The following CTNNB1 variants were observed in gnomAD, a reference collection of about 807,000 sequenced individuals.
CTNNB1 encodes catenin beta-1.
CTNNB1 carries 6 observed loss-of-function variants against 82.5 expected under a neutral mutation model. The ratio of observed to expected loss-of-function variants is 0.07; its 90% CI spans 0.04 to 0.14. CTNNB1 has a LOEUF of 0.14. Among genes scored for constraint, CTNNB1 ranks in the 10% least tolerant of loss-of-function variants. CTNNB1 has a pLI of 1.00. For synonymous variants in CTNNB1, 312 were observed against 329.7 expected (o/e 0.95, Z 0.58); for missense variants, 529 against 980.4 (o/e 0.54, Z 6.15).
intron 7 of CTNNB1, among the ~76,000 whole-genome samples, chr3:41,229,846 T>C (rs2078264471): frequency 6.6e-6 from 1 of 151,444 alleles, no homozygotes. Flanking sequence ...GGGAAAAGAA[T>C]AGATGGTTTG....
chr3:41,216,557 A>G (rs9813198), intron 1 of CTNNB1, among the ~76,000 whole-genome samples: 63,472 of 152,094 alleles, frequency 0.42, 13,581 homozygotes, highest in Non-Finnish European at 0.47. Flanking sequence ...TTTTTTATTT[A>G]TAGCAGTTTG....
intron 7 of CTNNB1, among the ~76,000 whole-genome samples, chr3:41,230,160 A>G (rs1190225674): frequency 1.3e-5 from 2 of 152,232 alleles, no homozygotes; most frequent in Non-Finnish European, 2.9e-5. Context: ...CCAGGTAACT[A>G]CTGGCAGAGG....
At chr3:41,224,461 TC>T (rs919250730) in intron 2 of CTNNB1, 64 bp from the exon 3 acceptor site, 1 of 1,430,170 alleles carries the variant, frequency 7.0e-7, no homozygotes, top group African/African-American at 1.4e-5. Context: ...TATCACAGAT[TC>T]TTTTTTTTTA....
intron 1 of CTNNB1, among the ~76,000 whole-genome samples, chr3:41,207,728 C>A (rs559036452): frequency 6.6e-6 from 1 of 152,340 alleles, no homozygotes; most frequent in African/African-American, 2.4e-5. Flanking sequence ...ATTGTAACTT[C>A]TGGAACTCAG....
At chr3:41,222,857 A>G (rs1285586905) in intron 1 of CTNNB1, among the ~76,000 whole-genome samples, 1 of 152,176 alleles carries the variant, frequency 6.6e-6, no homozygotes, top group Non-Finnish European at 1.5e-5. Flanking sequence ...GCAGAAATAC[A>G]TTGGAGGCTG....
rs2125653736 is a variant in CTNNB1 at position 41,239,259 on chromosome 3, G to A, written c.2263G>A (p.Asp755Asn). 1.2e-6 allele frequency: 2 copies of A among 1,614,230 alleles called. No homozygotes were observed. Among genetic ancestry groups the A allele is most frequent in the Non-Finnish European group, 1.7e-6 (2 of 1,180,042 alleles). Reference protein sequence around the residue: ...GADYPVDGLPDLGHAQDLMDG... With the variant: ...GADYPVDGLPNLGHAQDLMDG... ...TGACTATCCAGTTGATGGGCTGCCAGATCTGGGGCATGCCCAGGACCTCAT... is the reference window on the plus strand; with the variant it reads ...TGACTATCCAGTTGATGGGCTGCCAAATCTGGGGCATGCCCAGGACCTCAT... The change falls in exon 15 of 15, where the codon GAT (aspartate) becomes AAT (asparagine). Residue 755 changes from aspartate to asparagine, a missense_variant. Physicochemically the swap from Asp to Asn is conservative, Grantham distance 23. Transcript: ENST00000349496.
intron 6 of CTNNB1, among the ~76,000 whole-genome samples, chr3:41,226,371 T>TG (rs1553630647): frequency 1.3e-5 from 2 of 152,138 alleles, no homozygotes; most frequent in Non-Finnish European, 2.9e-5. Flanking sequence ...TGGGAAGAAG[T>TG]GGGGCTATGA....
At chr3:41,200,049 C>G (rs1340805296) in intron 1 of CTNNB1, 1 of 105,332 alleles carries the variant, frequency 9.5e-6, no homozygotes, top group Non-Finnish European at 1.8e-5. Context: ...TCGGGATGCG[C>G]CGGGCCCTGG....
rs1261941240 is a variant in CTNNB1 at position 41,233,816 on chromosome 3, A to G, written c.1473A>G (p.Leu491=). 1.1e-5 allele frequency: 18 copies of G among 1,613,596 alleles called. No individual in the cohort carries two copies. Among genetic ancestry groups the G allele is most frequent in the Non-Finnish European group, 1.5e-5 (18 of 1,179,592 alleles). ...AQNAVRLHYG[L]PVVVKLLHPP... ...ATGCAGTTCGCCTTCACTATGGACTACCAGTTGTGGTTAAGCTCTTACACC... is the reference window on the plus strand; with the variant it reads ...ATGCAGTTCGCCTTCACTATGGACTGCCAGTTGTGGTTAAGCTCTTACACC... Residue 491 remains leucine, a synonymous_variant, in exon 9 of 15, where the codon CTA becomes CTG. Transcript: ENST00000349496.
rs368546466 is a variant in CTNNB1, at chr3:41,236,514, A to G, written c.1954+15A>G. ...TGAAGGTGTGGGTAAGTAAAAAGGAACCAAAGCCTTTAGCAGATGTGTACA... is the reference window on the plus strand; with the variant it reads ...TGAAGGTGTGGGTAAGTAAAAAGGAGCCAAAGCCTTTAGCAGATGTGTACA... On this transcript the variant is annotated intron_variant, in intron 12 of 14. Coordinates refer to ENST00000349496, the MANE Select transcript of CTNNB1 (RefSeq NM_001904.4). 4.8e-5 allele frequency: 77 copies of G among 1,614,082 alleles called. No homozygotes were observed. Among genetic ancestry groups the G allele is most frequent in the Non-Finnish European group, 6.5e-5 (77 of 1,180,042 alleles).
At chr3:41,222,242 G>A (rs1300183681) in intron 1 of CTNNB1, 1 of 152,230 alleles carries the variant, frequency 6.6e-6, no homozygotes, top group African/African-American at 2.4e-5. Flanking sequence ...CCTTTCCGGA[G>A]CAGGGTTCTG....
chr3:41,233,513 G>GT lies in CTNNB1; in HGVS notation c.1186-11dup. 1 of 1,613,774 alleles carries GT rather than the reference G, an allele frequency of 6.2e-7. No homozygotes were observed. The highest frequency in any genetic ancestry group is 1.1e-5 in the South Asian group (1 of 91,064). ...GAGTATGTGCTTGTACTGACCATCT[G>GT]TTTTTATCTCCATAGGAAGGGATGG... On this transcript the variant is annotated splice_polypyrimidine_tract_variant and intron_variant, in intron 8 of 14. Coordinates refer to ENST00000349496, the MANE Select transcript of CTNNB1 (RefSeq NM_001904.4).
At chr3:41,209,970 C>T (rs2077740086) in intron 1 of CTNNB1, among the ~76,000 whole-genome samples, 1 of 152,008 alleles carries the variant, frequency 6.6e-6, no homozygotes, top group South Asian at 2.1e-4. Context: ...AGACTTTTTT[C>T]TATAATAAAC....
intron 7 of CTNNB1, among the ~76,000 whole-genome samples, chr3:41,229,504 G>C (rs1044435713): frequency 5.3e-5 from 8 of 152,136 alleles, no homozygotes; most frequent in African/African-American, 1.7e-4. Flanking sequence ...TTGGCTTGCA[G>C]CTTGGATGTT....
In CTNNB1 at chr3:41,239,484, C is replaced by T. The variant is rs543891516; in HGVS notation, c.*142C>T. The T allele has an allele frequency of 7.0e-6, 5 of 712,856 alleles. No homozygotes were observed. Among genetic ancestry groups the T allele is most frequent in the East Asian group, 2.7e-5 (1 of 37,142 alleles). The allele number at this position is 712,856 out of a possible 1,614,324, so 44.2% of individuals were successfully genotyped here. A position where few individuals can be genotyped will look rare whatever the true frequency, so the allele number is the denominator to read the frequency against. On this transcript the variant is annotated 3_prime_UTR_variant, in exon 15 of 15. Coordinates refer to ENST00000349496, the MANE Select transcript of CTNNB1 (RefSeq NM_001904.4). ...AATCTGCCACAAAAACAGGTATATA[C>T]TTTGAAAGGAGATGTCTTGGAACAT... is the stretch of plus-strand genomic sequence containing the variant.
At position 41,240,394 on chromosome 3, in the gene CTNNB1, A is replaced by C. The variant is rs779688474; in HGVS notation, c.*1052A>C. Reference sequence around the variant, plus strand: ...ACCTGCTGTGATACGATGCTTCAAGAGAAAATGCGGTTATAAAAAATGGTT... The same window carrying C: ...ACCTGCTGTGATACGATGCTTCAAGCGAAAATGCGGTTATAAAAAATGGTT... On this transcript the variant is annotated 3_prime_UTR_variant, in exon 15 of 15. Transcript: ENST00000349496. 1.6e-5 allele frequency: 3 copies of C among 183,560 alleles called. No individual in the cohort carries two copies. Among genetic ancestry groups the C allele is most frequent in the Non-Finnish European group, 3.5e-5 (3 of 86,158 alleles). The allele number at this position is 183,560 out of a possible 1,614,324, so 11.4% of individuals were successfully genotyped here.
At chr3:41,234,957 G>T (rs2078401154) in intron 10 of CTNNB1, 1 of 156,612 alleles carries the variant, frequency 6.4e-6, no homozygotes, top group Non-Finnish European at 1.4e-5. Context: ...TGGTTGCTTT[G>T]TGTATGTACT....
In CTNNB1 at chr3:41,236,575, C is replaced by T. The variant is rs757103553; in HGVS notation, c.1955-13C>T. ...AGTTTTTCCTCAAGGGCCTTTTTCT[C>T]CTTGTCTCTTAGCGACATATGCAGC... On this transcript the variant is annotated splice_polypyrimidine_tract_variant and intron_variant, in intron 12 of 14. Transcript: ENST00000349496. 6 of 1,614,070 alleles carry T rather than the reference C, an allele frequency of 3.7e-6. No homozygotes were observed. The highest frequency in any genetic ancestry group is 2.7e-5 in the African/African-American group (2 of 74,908).
At chr3:41,226,435 T>G (rs575733833) in intron 6 of CTNNB1, among the ~76,000 whole-genome samples, 116 of 152,216 alleles carry the variant, frequency 7.6e-4, no homozygotes, top group Non-Finnish European at 1.5e-3. Context: ...AGGAGACCTC[T>G]TGGAGGAAGT....
Sources: allele counts gnomAD v4.1 joint callset (sites outside exome capture counted in the v4.1 genomes callset), GRCh38; gene constraint gnomAD v4.1.1; transcripts MANE v1.5; gene names NCBI Gene and HGNC (gene_info 2026-07-23, HGNC 2026-07-21).